SLC4A10: variants seen among roughly 807,000 people sequenced by gnomAD.
The protein encoded by SLC4A10 is solute carrier family 4 member 10, also known as sodium-driven chloride bicarbonate exchanger.
In SLC4A10, 42 loss-of-function variants were observed where a neutral mutation model predicts 137.7. The observed-to-expected ratio is 0.30, with a 90% CI of 0.24 to 0.39. SLC4A10 has a LOEUF of 0.39. Ranked by LOEUF, SLC4A10 falls within the 10% of genes least tolerant of loss-of-function variation. The probability of loss-of-function intolerance (pLI) is 1.00; values close to 1 mark genes in which losing one functional copy is unlikely to be tolerated. For missense variants in SLC4A10, 925 were observed against 1,355.0 expected (o/e 0.68, Z 4.98); for synonymous variants, 474 against 464.1 (o/e 1.02, Z -0.27).
intron 10 of SLC4A10, among the ~76,000 whole-genome samples, chr2:161,886,008 C>T (rs750394383): frequency 2.6e-5 from 4 of 151,740 alleles, no homozygotes; most frequent in Non-Finnish European, 5.9e-5. Context: ...GTGAGGTGGG[C>T]GGATCACTTG....
chr2:161,661,368 T>G (rs1047948019), intron 1 of SLC4A10, among the ~76,000 whole-genome samples: 4 of 152,072 alleles, frequency 2.6e-5, no homozygotes, highest in Non-Finnish European at 5.9e-5. Flanking sequence ...CCAGCTACTC[T>G]GGAGGCTGAG....
At chr2:161,927,915 C>G (rs1157746349) in intron 15 of SLC4A10, among the ~76,000 whole-genome samples, 4 of 151,852 alleles carry the variant, frequency 2.6e-5, no homozygotes, top group Non-Finnish European at 4.4e-5. Context: ...CACTTTTACA[C>G]TGTTGGTGGG....
chr2:161,770,188 G>T (rs538971314), intron 1 of SLC4A10, among the ~76,000 whole-genome samples: 1 of 151,672 alleles, frequency 6.6e-6, no homozygotes, highest in African/African-American at 2.4e-5. Flanking sequence ...GATAAAAGTT[G>T]GAAATATAAT....
intron 2 of SLC4A10, among the ~76,000 whole-genome samples, chr2:161,777,241 A>G (rs747851556): frequency 2.6e-5 from 4 of 151,888 alleles, no homozygotes; most frequent in East Asian, 1.9e-4. Flanking sequence ...AGGTCTTCAC[A>G]TATTCTAGAC....
Position 161,839,855 on chromosome 2 carries a change from A to G in SLC4A10, c.344A>G (p.His115Arg), listed in dbSNP as rs769949115. ...GATGATGACGAGGAACACATTCCTCATGACCTTTTCACAGAACTGGATGAG... is the reference window on the plus strand; with the variant it reads ...GATGATGACGAGGAACACATTCCTCGTGACCTTTTCACAGAACTGGATGAG... ...TEDDDEEHIP[H>R]DLFTELDEIC... Residue 115 changes from histidine (H) to arginine (R), a missense_variant, in exon 4 of 27, where the codon CAT (histidine) becomes CGT (arginine). By Grantham distance (29) the His-to-Arg change is conservative (BLOSUM62 0). Around this residue, in one of 11 missense-constraint regions of SLC4A10, gnomAD observed 138 missense variants for 171.3 expected, o/e 0.81. Coordinates refer to ENST00000446997, the MANE Select transcript of SLC4A10 (RefSeq NM_001178015.2). The G allele has an allele frequency of 1.9e-6, 3 of 1,613,904 alleles. No homozygotes were observed. Among genetic ancestry groups the G allele is most frequent in the Admixed American group, 1.7e-5 (1 of 60,002 alleles).
At chr2:161,978,708 C>G (rs78730090) in intron 26 of SLC4A10, among the ~76,000 whole-genome samples, 3,107 of 152,206 alleles carry the variant, frequency 0.02, 100 homozygotes, top group African/African-American at 0.069. Context: ...CTCTCTCTCT[C>G]TGTGTGTCTC....
chr2:161,928,775 A>G (rs1251242243), intron 15 of SLC4A10, among the ~76,000 whole-genome samples: 1 of 151,934 alleles, frequency 6.6e-6, no homozygotes, highest in Non-Finnish European at 1.5e-5. Flanking sequence ...AAATGTAGCA[A>G]TTAAACTATT....
chr2:161,934,888 T>C (rs889463087), intron 15 of SLC4A10, among the ~76,000 whole-genome samples: 1 of 152,196 alleles, frequency 6.6e-6, no homozygotes, highest in African/African-American at 2.4e-5. Context: ...CCATAGGTTG[T>C]ATATTCACTC....
intron 2 of SLC4A10, among the ~76,000 whole-genome samples, chr2:161,783,877 G>C (rs2053334385): frequency 6.6e-6 from 1 of 151,660 alleles, no homozygotes; most frequent in Admixed American, 6.6e-5. Flanking sequence ...AACAGTACAT[G>C]ACAATAATAA....
intron 1 of SLC4A10, among the ~76,000 whole-genome samples, chr2:161,643,260 C>T (rs1208619560): frequency 6.6e-6 from 1 of 151,998 alleles, no homozygotes; most frequent in African/African-American, 2.4e-5. Context: ...AGAAATCAGA[C>T]TTGAGGAAGG....
chr2:161,707,737 T>TA (rs962748007), intron 1 of SLC4A10, among the ~76,000 whole-genome samples: 4 of 151,514 alleles, frequency 2.6e-5, no homozygotes, highest in African/African-American at 9.7e-5. Flanking sequence ...TAGCATTTGA[T>TA]AATACCACAT....
At chr2:161,836,526 GAGAGAGAAAGAA>G (rs1200003383) in intron 3 of SLC4A10, among the ~76,000 whole-genome samples, 10 of 74,804 alleles carry the variant, frequency 1.3e-4, no homozygotes, top group African/African-American at 4.7e-4. Flanking sequence ...GAAAGAGAGA[GAGAGAGAAAGAA>G]AGAAAGAAAG....
At chr2:161,895,107 C>G (rs2063324220) in intron 11 of SLC4A10, among the ~76,000 whole-genome samples, 2 of 145,192 alleles carry the variant, frequency 1.4e-5, no homozygotes, top group South Asian at 4.6e-4. Flanking sequence ...TGTTCCCCTT[C>G]CTGTGTCCAT....
At chr2:161,769,989 T>A (rs981909966) in intron 1 of SLC4A10, among the ~76,000 whole-genome samples, 8 of 151,978 alleles carry the variant, frequency 5.3e-5, no homozygotes, top group East Asian at 3.9e-4. Flanking sequence ...TTTAATTTTT[T>A]AAAAAATTTC....
intron 3 of SLC4A10, among the ~76,000 whole-genome samples, chr2:161,824,883 C>T (rs948774273): frequency 6.6e-6 from 1 of 152,120 alleles, no homozygotes; most frequent in Non-Finnish European, 1.5e-5. Flanking sequence ...TCTTGCCTCC[C>T]CTTCTACCTT....
intron 1 of SLC4A10, among the ~76,000 whole-genome samples, chr2:161,692,758 T>C (rs1057205696): frequency 6.6e-6 from 1 of 152,098 alleles, no homozygotes; most frequent in South Asian, 2.1e-4. Flanking sequence ...ATATAGATGG[T>C]AGATTTTTAC....
chr2:161,905,423 C>T (rs997650740), intron 14 of SLC4A10, among the ~76,000 whole-genome samples: 26 of 152,184 alleles, frequency 1.7e-4, no homozygotes, highest in African/African-American at 3.4e-4. Flanking sequence ...AATGCTCACT[C>T]GCCTGCCACT....
chr2:161,636,629 A>T (rs2034436553), intron 1 of SLC4A10, among the ~76,000 whole-genome samples: 1 of 151,872 alleles, frequency 6.6e-6, no homozygotes. Context: ...CGAACTCCTG[A>T]CCTTAGGTGT....
chr2:161,843,572 G>A (rs949685797), intron 4 of SLC4A10, among the ~76,000 whole-genome samples: 1 of 152,066 alleles, frequency 6.6e-6, no homozygotes, highest in African/African-American at 2.4e-5. Context: ...TCAGGGAAGG[G>A]CAGAACATAT....
Sources: gnomAD v4.1 joint callset for allele counts (sites outside exome capture counted in the v4.1 genomes callset) on GRCh38, gnomAD v4.1.1 for gene constraint, gnomAD v4.1.1 regional missense constraint, MANE v1.5 for transcripts, NCBI Gene and HGNC (gene_info 2026-07-23, HGNC 2026-07-21) for gene names.